IQCJ: variants seen among roughly 807,000 people sequenced by gnomAD.
IQCJ encodes IQ domain-containing protein J.
In IQCJ, 9 loss-of-function variants were observed where a neutral mutation model predicts 11.0. The ratio of observed to expected loss-of-function variants is 0.82; its 90% CI spans 0.49 to 1.43. The LOEUF (loss-of-function observed/expected upper bound fraction) is 1.43. IQCJ is among the 40% of genes most tolerant of loss of function. The pLI is 0.00. For synonymous variants in IQCJ, 55 were observed against 51.3 expected, an observed-to-expected ratio of 1.07 and a Z score of -0.31; for missense variants, 146 against 133.2, an observed-to-expected ratio of 1.10 and a Z score of -0.47.
chr3:159,265,394 C>T (rs770586332), downstream of IQCJ: 4 of 1,612,228 alleles, frequency 2.5e-6, no homozygotes, highest in African/African-American at 5.3e-5. Context: ...GTTTTCTCAC[C>T]CTCCAGTGAA....
chr3:159,250,754 G>A (rs763784201), intron 2 of IQCJ, among the ~76,000 whole-genome samples: 1 of 152,214 alleles, frequency 6.6e-6, no homozygotes, highest in Non-Finnish European at 1.5e-5. Context: ...TCCTTGACAT[G>A]TGGGGATTAT....
intron 1 of IQCJ, among the ~76,000 whole-genome samples, chr3:159,164,683 G>C (rs1361714365): frequency 6.6e-6 from 1 of 152,112 alleles, no homozygotes; most frequent in Non-Finnish European, 1.5e-5. Flanking sequence ...CAGGAGAATC[G>C]CTTGAACCTG....
At chr3:159,229,699 T>C (rs1378269362) in intron 1 of IQCJ, among the ~76,000 whole-genome samples, 1 of 9,350 alleles carries the variant, frequency 1.1e-4, no homozygotes, top group African/African-American at 4.8e-4. Context: ...CCAAAGTCTC[T>C]TCCTCCTCCT....
At chr3:159,173,764 C>CT (rs1194452526) in intron 1 of IQCJ, among the ~76,000 whole-genome samples, 1 of 152,088 alleles carries the variant, frequency 6.6e-6, no homozygotes, top group Non-Finnish European at 1.5e-5. Context: ...AAGAAAATCT[C>CT]TTTTTTCTTG....
chr3:159,195,807 G>A (rs544031352), intron 1 of IQCJ, among the ~76,000 whole-genome samples: 1 of 152,312 alleles, frequency 6.6e-6, no homozygotes, highest in African/African-American at 2.4e-5. Context: ...AGGAAAATTA[G>A]TCTATTTTTG....
chr3:159,246,616 T>C lies in IQCJ; in HGVS notation c.74+709T>C, dbSNP rs186335947. Among the ~76,000 whole-genome samples the C allele has an allele frequency of 7.4e-4, 112 of 152,278 alleles. 1 individual carries two copies. Among genetic ancestry groups the C allele is most frequent in the African/African-American group, 2.6e-3 (109 of 41,576 alleles). ...CAGGACTAGTCAAGCTGGTTGGGTG[T>C]CATGCTTGGCTCTGGACACCACGTT... On this transcript the variant is annotated intron_variant, in intron 2 of 3. Coordinates refer to ENST00000397832, the MANE Select transcript of IQCJ (RefSeq NM_001042706.3).
intron 1 of IQCJ, among the ~76,000 whole-genome samples, chr3:159,160,306 A>T (rs1042636837): frequency 6.6e-6 from 1 of 151,396 alleles, no homozygotes; most frequent in African/African-American, 2.4e-5. Flanking sequence ...TTCTATTATT[A>T]TTTTTTTCTT....
At chr3:159,180,060 G>A (rs567435687) in intron 1 of IQCJ, among the ~76,000 whole-genome samples, 1 of 152,328 alleles carries the variant, frequency 6.6e-6, no homozygotes, top group East Asian at 1.9e-4. Flanking sequence ...GAAGGCGCTA[G>A]GGCAGAAGAG....
chr3:159,208,997 G>T (rs558260998), intron 1 of IQCJ, among the ~76,000 whole-genome samples: 2 of 152,274 alleles, frequency 1.3e-5, no homozygotes, highest in African/African-American at 4.8e-5. Context: ...GGGTAGAAGA[G>T]GGCAGAGTCC....
intron 1 of IQCJ, among the ~76,000 whole-genome samples, chr3:159,172,530 C>T (rs1470772962): frequency 6.6e-6 from 1 of 151,876 alleles, no homozygotes; most frequent in Non-Finnish European, 1.5e-5. Flanking sequence ...ATATAGTTGG[C>T]ATCAAATTAC....
intron 1 of IQCJ, among the ~76,000 whole-genome samples, chr3:159,219,216 G>A (rs1725401196): frequency 6.6e-6 from 1 of 152,082 alleles, no homozygotes; most frequent in Non-Finnish European, 1.5e-5. Flanking sequence ...GGAGAAGCAT[G>A]TCTGATCAAA....
Position 159,262,755 on chromosome 3 carries a change from G to A in IQCJ, c.*24G>A. The A allele has an allele frequency of 6.2e-7, 1 of 1,604,706 alleles. No individual in the cohort carries two copies. Among genetic ancestry groups the A allele is most frequent in the Non-Finnish European group, 8.5e-7 (1 of 1,173,236 alleles). ...GAAAGCCTAGACTTTGGTTCTAAGA[G>A]AGAAATCTTGGGATGTGAGCAGGTG... is the stretch of plus-strand genomic sequence containing the variant. On this transcript the variant is annotated 3_prime_UTR_variant, in exon 4 of 4. Coordinates refer to ENST00000397832, the MANE Select transcript of IQCJ (RefSeq NM_001042706.3).
At chr3:159,237,900 CA>C (rs1726685105) in intron 1 of IQCJ, among the ~76,000 whole-genome samples, 1 of 152,120 alleles carries the variant, frequency 6.6e-6, no homozygotes, top group African/African-American at 2.4e-5. Flanking sequence ...ATTGCAAAGA[CA>C]GGGCAAACAA....
chr3:159,212,434 T>A (rs2108094906), intron 1 of IQCJ, among the ~76,000 whole-genome samples: 1 of 152,320 alleles, frequency 6.6e-6, no homozygotes, highest in Admixed American at 6.5e-5. Context: ...GTACTTAGGA[T>A]GAAATATGGA....
intron 1 of IQCJ, among the ~76,000 whole-genome samples, chr3:159,120,225 G>C (rs1719286581): frequency 6.6e-6 from 1 of 152,148 alleles, no homozygotes; most frequent in Non-Finnish European, 1.5e-5. Flanking sequence ...ATTTGTAGTA[G>C]GCTGGCTACT....
intron 1 of IQCJ, among the ~76,000 whole-genome samples, chr3:159,102,844 A>T (rs1444511111): frequency 1.3e-5 from 2 of 152,144 alleles, no homozygotes; most frequent in African/African-American, 4.8e-5. Context: ...TTTTGCCTTG[A>T]GTGAGGGGAT....
At chr3:159,180,155 T>C (rs1293531061) in intron 1 of IQCJ, among the ~76,000 whole-genome samples, 1 of 152,218 alleles carries the variant, frequency 6.6e-6, no homozygotes, top group Non-Finnish European at 1.5e-5. Context: ...ATCTGTAGCC[T>C]ATAAATATAA....
intron 3 of IQCJ, among the ~76,000 whole-genome samples, chr3:159,256,209 A>G (rs1727886832): frequency 6.6e-6 from 1 of 152,216 alleles, no homozygotes; most frequent in Admixed American, 6.5e-5. Context: ...TTACTTTGTG[A>G]TGGAACAACA....
At chr3:159,171,896 T>C (rs993310484) in intron 1 of IQCJ, among the ~76,000 whole-genome samples, 2 of 152,218 alleles carry the variant, frequency 1.3e-5, no homozygotes, top group African/African-American at 4.8e-5. Context: ...CCAGGTGATG[T>C]TGATACTTCT....
Sources: allele counts gnomAD v4.1 joint callset (sites outside exome capture counted in the v4.1 genomes callset), GRCh38; gene constraint gnomAD v4.1.1; transcripts MANE v1.5; gene names NCBI Gene and HGNC (gene_info 2026-07-23, HGNC 2026-07-21).